PPP2R3B: variants seen among roughly 807,000 people sequenced by gnomAD.
PPP2R3B encodes serine/threonine-protein phosphatase 2A regulatory subunit B'' subunit beta.
In PPP2R3B, 68 loss-of-function variants were observed where a neutral mutation model predicts 72.9. The ratio of observed to expected loss-of-function variants is 0.93; its 90% CI spans 0.77 to 1.14. The LOEUF is 1.14. Ranked by LOEUF, PPP2R3B falls within the 50% of genes most tolerant of loss-of-function variation. The pLI is 0.00. For missense variants in PPP2R3B, 1,018 were observed against 842.0 expected (o/e 1.21, Z -2.59); for synonymous variants, 466 against 375.8 (o/e 1.24, Z -2.78).
intron 1 of PPP2R3B, among the ~76,000 whole-genome samples, chrX:363,781 C>T (rs1329211894): frequency 9.8e-5 from 15 of 152,330 alleles, no homozygotes; most frequent in South Asian, 2.1e-4. Context: ...GTGGAGCCTG[C>T]GGCTCTTCCT....
intron 2 of PPP2R3B, among the ~76,000 whole-genome samples, chrX:352,884 C>T (rs894464108): frequency 2.7e-4 from 40 of 150,708 alleles, no homozygotes; most frequent in Admixed American, 1.3e-3. Flanking sequence ...AGTGACATCG[C>T]GGAGCCGGAG....
intron 1 of PPP2R3B, among the ~76,000 whole-genome samples, chrX:373,073 G>T (rs1457665937): frequency 6.6e-6 from 1 of 152,120 alleles, no homozygotes; most frequent in Non-Finnish European, 1.5e-5. Context: ...CAATAACGCC[G>T]GGAAAGTTTC....
Position 351,379 on chromosome X carries a change from G to C in PPP2R3B, c.511-3686C>G, listed in dbSNP as rs28731228. Among the ~76,000 whole-genome samples the C allele has an allele frequency of 2.0e-5, 3 of 152,070 alleles. No homozygotes were observed. The South Asian group carries it at 6.2e-4, about 32-fold the overall frequency. ...TCAACACCCAGGGATGGGGGGATGT[G>C]TGAGCCTTCACATCTGTGCTCCTCA... On this transcript the variant is annotated intron_variant, in intron 2 of 12. Coordinates refer to ENST00000390665, the MANE Select transcript of PPP2R3B (RefSeq NM_013239.5).
chrX:359,788 A>T, intron 2 of PPP2R3B: 1 of 494,996 alleles, frequency 2.0e-6, no homozygotes, highest in Admixed American at 2.3e-5. Flanking sequence ...AATTGCTCAT[A>T]TTAAAAGCTA....
chrX:356,912 A>C (rs2124145144), intron 2 of PPP2R3B, among the ~76,000 whole-genome samples: 1 of 118,870 alleles, frequency 8.4e-6, no homozygotes, highest in African/African-American at 2.6e-5. Flanking sequence ...GCCCCACGGT[A>C]ACCACGCCTT....
chrX:384,982 CAAAAA>C (rs773590401), intron 1 of PPP2R3B, among the ~76,000 whole-genome samples: 3 of 63,068 alleles, frequency 4.8e-5, no homozygotes, highest in Non-Finnish European at 9.0e-5. Context: ...GAATCTGTCT[CAAAAA>C]AAAAAAAAAA....
At position 346,790 on chromosome X, in the gene PPP2R3B, A is replaced by T. The variant is rs776191267; in HGVS notation, c.718-15T>A. ...TTCACCACGTCCTGCGGGTGGGAAG[A>T]CACGAGGCGCGTGGTGTAGACGCCG... On this transcript the variant is annotated splice_polypyrimidine_tract_variant and intron_variant, in intron 4 of 12. Coordinates refer to ENST00000390665, the MANE Select transcript of PPP2R3B (RefSeq NM_013239.5). 1 of 1,606,384 alleles carries T rather than the reference A, an allele frequency of 6.2e-7. No individual in the cohort carries two copies. The highest frequency in any genetic ancestry group is 1.3e-5 in the African/African-American group (1 of 74,806).
At chrX:385,985 G>C (rs1417176128) in intron 1 of PPP2R3B, among the ~76,000 whole-genome samples, 2 of 152,168 alleles carry the variant, frequency 1.3e-5, no homozygotes, top group African/African-American at 4.8e-5. Context: ...GGGAGCCTGA[G>C]GCAGGAGAAT....
At chrX:376,037 C>T (rs1293907099) in intron 1 of PPP2R3B, among the ~76,000 whole-genome samples, 1 of 152,020 alleles carries the variant, frequency 6.6e-6, no homozygotes, top group Non-Finnish European at 1.5e-5. Flanking sequence ...ACTAAAAATA[C>T]AAAATTAGCT....
rs764134005 is a variant in PPP2R3B at position 354,279 on chromosome X, A to C, written c.511-6586T>G. On this transcript the variant is annotated intron_variant, in intron 2 of 12. Transcript: ENST00000390665. ...TCACCCAAACACCAGGGGCTCACCCAAACACCGGGGCTGCCTTCACACTCA... is the reference window on the plus strand; with the variant it reads ...TCACCCAAACACCAGGGGCTCACCCCAACACCGGGGCTGCCTTCACACTCA... Among the ~76,000 whole-genome samples the C allele has an allele frequency of 2.7e-5, 4 of 149,240 alleles. No individual in the cohort carries two copies. In the East Asian group the frequency reaches 7.8e-4, roughly 29 times the overall value.
intron 12 of PPP2R3B, chrX:334,727 G>C: frequency 1.8e-6 from 1 of 550,988 alleles, no homozygotes; most frequent in South Asian, 3.4e-5. Context: ...TGCGGTGCAG[G>C]TGAAAACCCA....
At position 362,165 on chromosome X, in the gene PPP2R3B, C is replaced by T. The variant is rs192534315; in HGVS notation, c.325-575G>A. On this transcript the variant is annotated intron_variant, in intron 1 of 12. Transcript: ENST00000390665. ...TGCGGACACGCCTCAGCCCCTCACC[C>T]GGTGCACAGCCCACGCCCACGGGCT... The T allele has an allele frequency of 8.4e-3, 1,374 of 163,938 alleles. 9 individuals carry two copies. Among genetic ancestry groups the T allele is most frequent in the Non-Finnish European group, 0.013 (954 of 74,752 alleles). The allele number at this position is 163,938 out of a possible 1,614,324, so 10.2% of individuals were successfully genotyped here. A position where few individuals can be genotyped will look rare whatever the true frequency, so the allele number is the denominator to read the frequency against.
Position 334,411 on chromosome X carries a change from G to T in PPP2R3B, c.1684C>A (p.Leu562Met), listed in dbSNP as rs1302665895. 1.3e-6 allele frequency: 2 copies of T among 1,590,724 alleles called. No homozygotes were observed. Among genetic ancestry groups the T allele is most frequent in the African/African-American group, 1.4e-5 (1 of 73,496 alleles). ...EAPSPLGAVD[L>M]YEYACGDEDL... is the part of the protein sequence containing the mutation. ...TCGTCCCCGCATGCGTACTCGTACA[G>T]GTCCACGGCGCCCAGCGGTGAGGGC... The change falls in exon 13 of 13, where the codon CTG (leucine) becomes ATG (methionine). Residue 562 changes from leucine to methionine, a missense_variant. Coordinates refer to ENST00000390665, the MANE Select transcript of PPP2R3B (RefSeq NM_013239.5).
Position 386,400 on chromosome X carries a change from G to A in PPP2R3B, c.292C>T (p.Arg98Ter), listed in dbSNP as rs764944002. 2 of 1,320,348 alleles carry A rather than the reference G, an allele frequency of 1.5e-6. No homozygotes were observed. The highest frequency in any genetic ancestry group is 3.1e-5 in the South Asian group (1 of 32,310). The allele number at this position is 1,320,348 out of a possible 1,614,324, so 81.8% of individuals were successfully genotyped here. A position where few individuals can be genotyped will look rare whatever the true frequency, so the allele number is the denominator to read the frequency against. The part of the protein sequence containing the change: ...ASSPRNAPHV[R>*]GTRRSAGTRV... Reference sequence around the variant, plus strand: ...GTCCCTGCGGATCTACGGGTGCCTCGAACGTGGGGCGCGTTCCTGGGGCTG... The same window carrying A: ...GTCCCTGCGGATCTACGGGTGCCTCAAACGTGGGGCGCGTTCCTGGGGCTG... The change falls in exon 1 of 13, where the codon CGA (arginine) becomes TGA (stop). Residue 98 changes from arginine to a stop codon, truncating the protein, a stop_gained. Transcript: ENST00000390665. LOFTEE classifies it high-confidence loss of function.
At chrX:365,163 A>G (rs2071679498) in intron 1 of PPP2R3B, among the ~76,000 whole-genome samples, 1 of 75,682 alleles carries the variant, frequency 1.3e-5, no homozygotes, top group Non-Finnish European at 2.7e-5. Context: ...CAGTGAGCTG[A>G]GATCGCACTA....
At chrX:363,333 CCCGAGCCCACCATCCCGCAGTGCATCTCT>C (rs1344479749) in intron 1 of PPP2R3B, among the ~76,000 whole-genome samples, 1,497 of 148,620 alleles carry the variant, frequency 0.01, 264 homozygotes, top group East Asian at 0.013. Context: ...AGTGCATCTC[CCCGAGCCCACCATCCCGCAGTGCATCTCT>C]CCGAGCCCAC....
chrX:361,240 C>G (rs2071531619), intron 2 of PPP2R3B, 165 bp downstream of exon 2: 2 of 247,862 alleles, frequency 8.1e-6, no homozygotes, highest in Non-Finnish European at 1.3e-5. Context: ...ACTATAACCT[C>G]AGAGAAAACC....
intron 2 of PPP2R3B, among the ~76,000 whole-genome samples, chrX:350,868 G>A (rs2071316091): frequency 6.6e-6 from 1 of 152,168 alleles, no homozygotes; most frequent in Non-Finnish European, 1.5e-5. Flanking sequence ...AAGAGGGCCC[G>A]TGCCCGTGAG....
At position 351,505 on chromosome X, in the gene PPP2R3B, C is replaced by T. The variant is rs1314327825; in HGVS notation, c.511-3812G>A. Among the ~76,000 whole-genome samples, 4 of 152,310 alleles carry T rather than the reference C, an allele frequency of 2.6e-5. No individual in the cohort carries two copies. The East Asian group carries it at 7.7e-4, about 29-fold the overall frequency. ...CGTCTCATGTGTCCAGACCTGCAGG[C>T]TGGAGTGCAGTGTGTGATCACAGCG... is the stretch of plus-strand genomic sequence containing the variant. On this transcript the variant is annotated intron_variant, in intron 2 of 12. Transcript: ENST00000390665.
Sources: allele counts gnomAD v4.1 joint callset (sites outside exome capture counted in the v4.1 genomes callset), GRCh38; gene constraint gnomAD v4.1.1; transcripts MANE v1.5; gene names NCBI Gene and HGNC (gene_info 2026-07-23, HGNC 2026-07-21).